Variants in RASAL2 observed in about 807,000 individuals in gnomAD.
RASAL2 encodes the protein ras GTPase-activating protein nGAP.
In RASAL2, 58 loss-of-function variants were observed where a neutral mutation model predicts 128.9. The observed-to-expected ratio is 0.45, with a 90% CI of 0.36 to 0.56. The LOEUF (loss-of-function observed/expected upper bound fraction) is 0.56. Among genes scored for constraint, RASAL2 ranks in the 20% least tolerant of loss-of-function variants. RASAL2 has a pLI of 0.00. For synonymous variants in RASAL2, 561 were observed against 580.8 expected (o/e 0.97, Z 0.49); for missense variants, 1,360 against 1,601.6 (o/e 0.85, Z 2.57).
chr1:178,120,662 T>C (rs1659685336), intron 1 of RASAL2, among the ~76,000 whole-genome samples: 1 of 152,214 alleles, frequency 6.6e-6, no homozygotes, highest in African/African-American at 2.4e-5. Context: ...TGATTTATTA[T>C]GGTCTCTGTG....
intron 1 of RASAL2, among the ~76,000 whole-genome samples, chr1:178,280,605 A>G (rs540807537): frequency 6.6e-5 from 10 of 152,194 alleles, no homozygotes; most frequent in South Asian, 2.1e-4. Flanking sequence ...AGAATAATAC[A>G]GTTTTAAAGA....
chr1:178,474,862 A>G lies in RASAL2; in HGVS notation c.*1623A>G, dbSNP rs948199093. 1.3e-5 allele frequency: 2 copies of G among 152,162 alleles called. No individual in the cohort carries two copies. The highest frequency in any genetic ancestry group is 4.8e-5 in the African/African-American group (2 of 41,446). The allele number at this position is 152,162 out of a possible 1,614,324, so 9.4% of individuals were successfully genotyped here. A position where few individuals can be genotyped will look rare whatever the true frequency, so the allele number is the denominator to read the frequency against. ...GCAACAATGTTTCTCGAATAAGTTG[A>G]TGTTGATTTTAAATTATAAGCTTTA... On this transcript the variant is annotated 3_prime_UTR_variant, in exon 18 of 18. Transcript: ENST00000367649.
chr1:178,266,921 A>G (rs957962374), intron 1 of RASAL2, among the ~76,000 whole-genome samples: 2 of 152,186 alleles, frequency 1.3e-5, no homozygotes, highest in African/African-American at 4.8e-5. Flanking sequence ...AGGCAAGAGA[A>G]CAAGGGTAGG....
intron 3 of RASAL2, among the ~76,000 whole-genome samples, chr1:178,306,779 T>C (rs760610736): frequency 6.0e-5 from 9 of 149,298 alleles, no homozygotes; most frequent in Admixed American, 1.4e-4. Context: ...TTTGAGTTCA[T>C]TGTAGATTCT....
At chr1:178,139,733 G>A (rs910864757) in intron 1 of RASAL2, among the ~76,000 whole-genome samples, 8 of 151,186 alleles carry the variant, frequency 5.3e-5, no homozygotes, top group African/African-American at 1.9e-4. Flanking sequence ...TTTTTTTAAC[G>A]TGGATTTTTC....
intron 1 of RASAL2, among the ~76,000 whole-genome samples, chr1:178,107,014 A>G (rs1449762329): frequency 6.6e-5 from 10 of 152,180 alleles, no homozygotes; most frequent in East Asian, 1.9e-4. Flanking sequence ...AGCATATTGT[A>G]TGAAATTATA....
intron 3 of RASAL2, among the ~76,000 whole-genome samples, chr1:178,387,470 C>G (rs1048555422): frequency 6.6e-6 from 1 of 151,924 alleles, no homozygotes; most frequent in African/African-American, 2.4e-5. Flanking sequence ...GTGTGCTGCA[C>G]CCATTAATTC....
intron 3 of RASAL2, among the ~76,000 whole-genome samples, chr1:178,318,185 C>T (rs1292016463): frequency 6.6e-6 from 1 of 151,592 alleles, no homozygotes; most frequent in Non-Finnish European, 1.5e-5. Context: ...TGTTCTTTTA[C>T]ATTTGCTGAG....
chr1:178,371,341 C>CACACAAAT (rs1671696512), intron 3 of RASAL2, among the ~76,000 whole-genome samples: 1 of 137,734 alleles, frequency 7.3e-6, no homozygotes, highest in African/African-American at 3.1e-5. Context: ...CACACACACA[C>CACACAAAT]ACACACACAC....
At chr1:178,267,186 C>T (rs999659636) in intron 1 of RASAL2, among the ~76,000 whole-genome samples, 3 of 152,288 alleles carry the variant, frequency 2.0e-5, no homozygotes, top group Non-Finnish European at 4.4e-5. Context: ...CATCCCTGTT[C>T]CCTTTTTCTG....
At chr1:178,309,414 A>C (rs945944523) in intron 3 of RASAL2, among the ~76,000 whole-genome samples, 2 of 152,200 alleles carry the variant, frequency 1.3e-5, no homozygotes, top group African/African-American at 4.8e-5. Flanking sequence ...GAACTCAGAT[A>C]AGCTCAAGAA....
At chr1:178,209,551 G>A (rs1663180615) in intron 1 of RASAL2, among the ~76,000 whole-genome samples, 1 of 152,076 alleles carries the variant, frequency 6.6e-6, no homozygotes, top group South Asian at 2.1e-4. Flanking sequence ...TTAAGCTCAT[G>A]TCTTTATTCC....
chr1:178,135,773 C>G (rs1660300146), intron 1 of RASAL2, among the ~76,000 whole-genome samples: 3 of 152,040 alleles, frequency 2.0e-5, no homozygotes, highest in Admixed American at 2.0e-4. Context: ...TGGTGGAAGG[C>G]AAGGAGGAGC....
At chr1:178,248,087 A>T (rs375423032) in intron 1 of RASAL2, among the ~76,000 whole-genome samples, 1 of 152,144 alleles carries the variant, frequency 6.6e-6, no homozygotes, top group Admixed American at 6.5e-5. Flanking sequence ...TATTAGGTCC[A>T]CTTGGTCCAG....
chr1:178,452,355 C>T, intron 10 of RASAL2, 61 bp from the exon 11 acceptor site: 1 of 1,396,606 alleles, frequency 7.2e-7, no homozygotes, highest in Non-Finnish European at 1.0e-6. Flanking sequence ...AGGGTGGAAT[C>T]ACTTGTGCTT....
At chr1:178,397,683 C>T (rs1363929833) in intron 4 of RASAL2, among the ~76,000 whole-genome samples, 2 of 151,720 alleles carry the variant, frequency 1.3e-5, no homozygotes, top group Non-Finnish European at 2.9e-5. Context: ...AATCTTGGCT[C>T]ACTGCAGCCT....
At chr1:178,440,092 G>A (rs1676532929) in intron 6 of RASAL2, among the ~76,000 whole-genome samples, 2 of 151,834 alleles carry the variant, frequency 1.3e-5, no homozygotes, top group Admixed American at 6.6e-5. Context: ...CACATTGCAG[G>A]TGCCTGATTT....
chr1:178,126,480 GT>G (rs1215093403), intron 1 of RASAL2, among the ~76,000 whole-genome samples: 1 of 152,164 alleles, frequency 6.6e-6, no homozygotes, highest in East Asian at 1.9e-4. Flanking sequence ...GCTGTGCACT[GT>G]GCATTTGCAC....
At chr1:178,176,378 C>T (rs1459374993) in intron 1 of RASAL2, among the ~76,000 whole-genome samples, 3 of 150,418 alleles carry the variant, frequency 2.0e-5, no homozygotes, top group African/African-American at 7.4e-5. Flanking sequence ...ATGTCTGTTC[C>T]TGTCATTTGC....
Sources: gnomAD v4.1 joint callset for allele counts (sites outside exome capture counted in the v4.1 genomes callset) on GRCh38, gnomAD v4.1.1 for gene constraint, MANE v1.5 for transcripts, NCBI Gene and HGNC (gene_info 2026-07-23, HGNC 2026-07-21) for gene names.